The following CRPPA variants were observed in gnomAD, a reference collection of about 807,000 sequenced individuals.
CRPPA encodes the protein D-ribitol-5-phosphate cytidylyltransferase.
CRPPA carries 43 observed loss-of-function variants against 52.0 expected under a neutral mutation model. The ratio of observed to expected loss-of-function variants is 0.83; its 90% confidence interval spans 0.65 to 1.07. The LOEUF (loss-of-function observed/expected upper bound fraction) is 1.07, where lower values mean the gene tolerates loss of function less well. CRPPA is among the 50% of genes least tolerant of loss of function. The pLI, the probability that CRPPA is intolerant of heterozygous loss-of-function variation, is 0.00. For missense variants in CRPPA, 629 were observed against 551.7 expected, an observed-to-expected ratio of 1.14 and a Z score of -1.40; for synonymous variants, 250 against 203.5, an observed-to-expected ratio of 1.23 and a Z score of -1.94.
At chr7:16,191,387 C>A (rs560635466) in intron 9 of CRPPA, among the ~76,000 whole-genome samples, 1 of 152,072 alleles carries the variant, frequency 6.6e-6, no homozygotes, top group Admixed American at 6.6e-5. Flanking sequence ...AGTTATAACA[C>A]CCATATATTT....
intron 2 of CRPPA, among the ~76,000 whole-genome samples, chr7:16,390,648 G>C (rs1356155009): frequency 6.6e-6 from 1 of 152,042 alleles, no homozygotes; most frequent in Non-Finnish European, 1.5e-5. Context: ...TTGTTAAATG[G>C]GAAAAAACTT....
intron 2 of CRPPA, among the ~76,000 whole-genome samples, chr7:16,402,096 T>C (rs927273637): frequency 1.3e-5 from 2 of 151,650 alleles, no homozygotes; most frequent in African/African-American, 4.8e-5. Flanking sequence ...CTAAGACCCA[T>C]AAAAGGGAAA....
intron 9 of CRPPA, among the ~76,000 whole-genome samples, chr7:16,136,382 G>A (rs941889411): frequency 6.6e-6 from 1 of 152,134 alleles, no homozygotes. Flanking sequence ...TTTTGTGGAT[G>A]AGGAAAATAA....
At chr7:16,357,288 C>T (rs947156526) in intron 3 of CRPPA, among the ~76,000 whole-genome samples, 1 of 152,170 alleles carries the variant, frequency 6.6e-6, no homozygotes, top group African/African-American at 2.4e-5. Flanking sequence ...AGGAGATTCT[C>T]ATGCCTCAGC....
At chr7:16,098,264 A>G (rs1349013048) in intron 9 of CRPPA, among the ~76,000 whole-genome samples, 1 of 152,210 alleles carries the variant, frequency 6.6e-6, no homozygotes, top group Non-Finnish European at 1.5e-5. Context: ...TATACACATC[A>G]CTTCTAAAGA....
At chr7:16,140,934 A>G (rs1484087368) in intron 9 of CRPPA, among the ~76,000 whole-genome samples, 1 of 152,226 alleles carries the variant, frequency 6.6e-6, no homozygotes, top group Non-Finnish European at 1.5e-5. Flanking sequence ...CATATGAAAA[A>G]GAAACCAAAG....
intron 2 of CRPPA, among the ~76,000 whole-genome samples, chr7:16,404,417 A>G (rs1287349636): frequency 6.6e-6 from 1 of 152,190 alleles, no homozygotes; most frequent in Non-Finnish European, 1.5e-5. Context: ...ATCACATGTA[A>G]GACAATGATA....
intron 1 of CRPPA, among the ~76,000 whole-genome samples, chr7:16,412,845 C>T (rs980217973): frequency 4.6e-5 from 7 of 152,206 alleles, no homozygotes; most frequent in Non-Finnish European, 8.8e-5. Flanking sequence ...AGCTCTATTA[C>T]ACCTACAGAC....
chr7:16,160,352 T>A (rs1030064502), intron 9 of CRPPA, among the ~76,000 whole-genome samples: 1 of 152,216 alleles, frequency 6.6e-6, no homozygotes, highest in Admixed American at 6.5e-5. Flanking sequence ...GAATAAGGTA[T>A]AAGGAAGGGG....
intron 3 of CRPPA, among the ~76,000 whole-genome samples, 184 bp from the exon 4 acceptor site, chr7:16,308,811 G>A (rs752144941): frequency 6.6e-6 from 1 of 152,196 alleles, no homozygotes; most frequent in Non-Finnish European, 1.5e-5. Flanking sequence ...TAGGAATACT[G>A]CAACCATCAC....
intron 8 of CRPPA, among the ~76,000 whole-genome samples, chr7:16,253,590 G>T (rs1472535453): frequency 6.6e-6 from 1 of 152,264 alleles, no homozygotes; most frequent in Middle Eastern, 3.4e-3. Flanking sequence ...TGTTGATTTG[G>T]GGTGGAGAGT....
intron 2 of CRPPA, among the ~76,000 whole-genome samples, chr7:16,390,104 G>A (rs1787404542): frequency 6.6e-6 from 1 of 151,138 alleles, no homozygotes; most frequent in Admixed American, 6.6e-5. Flanking sequence ...AAATGTCCTG[G>A]CTTCTAATGG....
At chr7:16,148,365 C>T (rs572962610) in intron 9 of CRPPA, among the ~76,000 whole-genome samples, 31 of 152,174 alleles carry the variant, frequency 2.0e-4, no homozygotes, top group African/African-American at 7.2e-4. Flanking sequence ...TTCACAACAG[C>T]TAACATGTGG....
intron 5 of CRPPA, among the ~76,000 whole-genome samples, chr7:16,279,999 G>T (rs1277057288): frequency 6.6e-6 from 1 of 152,184 alleles, no homozygotes; most frequent in Admixed American, 6.5e-5. Context: ...TGCTTATGCA[G>T]GGAAGAGAAG....
intron 6 of CRPPA, among the ~76,000 whole-genome samples, chr7:16,264,316 C>T (rs1237942002): frequency 1.3e-5 from 2 of 152,018 alleles, no homozygotes; most frequent in African/African-American, 4.8e-5. Flanking sequence ...TATTTTGGTT[C>T]AAAGGACATT....
chr7:16,128,256 T>C (rs1262653593), intron 9 of CRPPA, among the ~76,000 whole-genome samples: 1 of 151,972 alleles, frequency 6.6e-6, no homozygotes, highest in Non-Finnish European at 1.5e-5. Flanking sequence ...ATATGTACCC[T>C]CAACCTTAAA....
In CRPPA at chr7:16,406,194, A is replaced by G; in HGVS notation, c.401T>C (p.Leu134Pro). 6.2e-7 allele frequency: 1 copy of G among 1,613,990 alleles called. No individual in the cohort carries two copies. The highest frequency in any genetic ancestry group is 8.5e-7 in the Non-Finnish European group (1 of 1,179,882). ...VTRHRSIFNG[L>P]KALAEDQINS... ...GATCTGATCTTCTGCCAGTGCTTTT[A>G]GTCCATTGAAAATTGACCTGTGGCG... Residue 134 changes from leucine to proline, a missense_variant, in exon 2 of 10, where the codon CTA (leucine) becomes CCA (proline). Leu to Pro is a moderately conservative substitution (Grantham distance 98). Transcript: ENST00000407010.
At chr7:16,186,349 C>G (rs1490003741) in intron 9 of CRPPA, among the ~76,000 whole-genome samples, 2 of 152,136 alleles carry the variant, frequency 1.3e-5, no homozygotes, top group African/African-American at 4.8e-5. Flanking sequence ...TTGTAAGAGG[C>G]TAGAGAGCTA....
chr7:16,366,807 AAC>A (rs1315041680), intron 3 of CRPPA, among the ~76,000 whole-genome samples: 3 of 152,058 alleles, frequency 2.0e-5, no homozygotes, highest in Admixed American at 2.0e-4. Context: ...AAAAAAAAAA[AAC>A]ATGGGAAATA....
Sources: allele counts gnomAD v4.1 joint callset (sites outside exome capture counted in the v4.1 genomes callset), GRCh38; gene constraint gnomAD v4.1.1; transcripts MANE v1.5; gene names NCBI Gene and HGNC (gene_info 2026-07-23, HGNC 2026-07-21).